The following KIAA1217 variants were observed in gnomAD, a reference collection of about 807,000 sequenced individuals.
KIAA1217 encodes KIAA1217, also known as sickle tail protein homolog.
A neutral mutation model predicts 163.9 loss-of-function variants in KIAA1217; 88 were observed. The ratio of observed to expected loss-of-function variants is 0.54; its 90% CI spans 0.45 to 0.64. KIAA1217 has a LOEUF of 0.64. KIAA1217 is among the 30% of genes least tolerant of loss of function. The probability of loss-of-function intolerance (pLI) is 0.00; values close to 1 mark genes in which losing one functional copy is unlikely to be tolerated. For synonymous variants in KIAA1217, 903 were observed against 923.1 expected (o/e 0.98, Z 0.39); for missense variants, 2,372 against 2,475.0 (o/e 0.96, Z 0.88).
At chr10:23,929,462 C>T (rs1843163764) in intron 1 of KIAA1217, among the ~76,000 whole-genome samples, 1 of 152,156 alleles carries the variant, frequency 6.6e-6, no homozygotes, top group Admixed American at 6.5e-5. Flanking sequence ...TTGCTCACTT[C>T]CCTCCTTCCT....
chr10:24,074,075 G>A (rs1192305116), intron 2 of KIAA1217, among the ~76,000 whole-genome samples: 1 of 152,200 alleles, frequency 6.6e-6, no homozygotes, highest in African/African-American at 2.4e-5. Context: ...CAGGCATGGT[G>A]GCTCATGCCT....
intron 2 of KIAA1217, among the ~76,000 whole-genome samples, chr10:24,301,030 CTT>C (rs1182654984): frequency 6.6e-6 from 1 of 152,178 alleles, no homozygotes; most frequent in Non-Finnish European, 1.5e-5. Flanking sequence ...CCAAGCCTGT[CTT>C]GAACTCCTGA....
At chr10:24,445,230 A>G (rs530858392) in intron 5 of KIAA1217, among the ~76,000 whole-genome samples, 25 of 152,258 alleles carry the variant, frequency 1.6e-4, no homozygotes, top group South Asian at 6.2e-4. Context: ...AATGTTGGAC[A>G]CTGGATTTGA....
At chr10:23,756,316 A>T (rs1833917441) in intron 1 of KIAA1217, among the ~76,000 whole-genome samples, 1 of 152,148 alleles carries the variant, frequency 6.6e-6, no homozygotes. Context: ...GAAAACCTGT[A>T]AATAAATAGG....
At chr10:24,120,770 C>A (rs1360407496) in intron 2 of KIAA1217, among the ~76,000 whole-genome samples, 4 of 152,170 alleles carry the variant, frequency 2.6e-5, no homozygotes, top group Admixed American at 2.0e-4. Context: ...CTCTGCAACC[C>A]TGGGGCAGCT....
intron 16 of KIAA1217, among the ~76,000 whole-genome samples, chr10:24,536,425 T>G (rs2074022891): frequency 6.6e-6 from 1 of 152,218 alleles, no homozygotes; most frequent in African/African-American, 2.4e-5. Flanking sequence ...GATAGTTTTT[T>G]GTTTTAATTT....
At chr10:23,810,652 A>G (rs1216714505) in intron 1 of KIAA1217, among the ~76,000 whole-genome samples, 7 of 129,218 alleles carry the variant, frequency 5.4e-5, no homozygotes, top group African/African-American at 1.8e-4. Context: ...TATAGTGTGT[A>G]TATATATAAT....
intron 6 of KIAA1217, among the ~76,000 whole-genome samples, chr10:24,480,419 C>T (rs1489987181): frequency 6.6e-6 from 1 of 152,200 alleles, no homozygotes; most frequent in Non-Finnish European, 1.5e-5. Flanking sequence ...ACCAGTTGTT[C>T]AGAGGCAGTA....
At position 24,304,487 on chromosome 10, in the gene KIAA1217, G is replaced by T. The variant is rs76861440; in HGVS notation, c.355-76382G>T. On this transcript the variant is annotated intron_variant, in intron 2 of 20. Transcript: ENST00000376454. The stretch of plus-strand genomic sequence containing the variant: ...CCAAAGTAACTAGGACTAACAGCAT[G>T]TACCACCACATCCAACTAGTTTTTT... 1.0e-2 allele frequency among the ~76,000 whole-genome samples: 1,518 copies of T among 152,144 alleles called. 30 individuals carry two copies. The highest frequency in any genetic ancestry group is 0.083 in the East Asian group (429 of 5,166).
intron 2 of KIAA1217, among the ~76,000 whole-genome samples, chr10:24,202,033 G>A (rs1389803136): frequency 4.6e-5 from 7 of 152,182 alleles, no homozygotes; most frequent in African/African-American, 1.7e-4. Context: ...CGGGTGCTGG[G>A]TGACCCCCTC....
At chr10:24,503,798 C>A (rs963409076) in intron 9 of KIAA1217, among the ~76,000 whole-genome samples, 5 of 152,212 alleles carry the variant, frequency 3.3e-5, no homozygotes, top group African/African-American at 1.2e-4. Context: ...GGAGGTCAAG[C>A]CCTTCCCTTC....
At chr10:24,059,204 T>C (rs969708354) in intron 2 of KIAA1217, among the ~76,000 whole-genome samples, 4 of 152,200 alleles carry the variant, frequency 2.6e-5, no homozygotes, top group Non-Finnish European at 5.9e-5. Flanking sequence ...TGCTCCACCA[T>C]CCTTGCACCC....
chr10:24,473,146 G>A (rs914425635), intron 5 of KIAA1217, 82 bp from the exon 6 acceptor site: 1 of 922,988 alleles, frequency 1.1e-6, no homozygotes. Flanking sequence ...TCTTGCAGGG[G>A]AAGTCACACG....
At chr10:23,842,998 A>C (rs976218282) in intron 1 of KIAA1217, among the ~76,000 whole-genome samples, 1 of 152,210 alleles carries the variant, frequency 6.6e-6, no homozygotes, top group Admixed American at 6.5e-5. Flanking sequence ...TTCTAAAAGC[A>C]AACATCACTG....
intron 1 of KIAA1217, among the ~76,000 whole-genome samples, chr10:23,911,961 G>T (rs1332225307): frequency 6.6e-6 from 1 of 152,086 alleles, no homozygotes; most frequent in Non-Finnish European, 1.5e-5. Flanking sequence ...TCCACTACAG[G>T]CCTGTGGCAT....
Position 24,426,391 on chromosome 10 carries a change from G to A in KIAA1217, c.554-6604G>A, listed in dbSNP as rs182199664. Among the ~76,000 whole-genome samples the A allele has an allele frequency of 1.7e-4, 26 of 152,236 alleles. No homozygotes were observed. In the East Asian group the frequency reaches 4.8e-3, roughly 28 times the overall value. On this transcript the variant is annotated intron_variant, in intron 3 of 20. Coordinates refer to ENST00000376454, the MANE Select transcript of KIAA1217 (RefSeq NM_019590.5). ...AATCCTAGCACTGTGGGAGGTCAAG[G>A]TGGGTGAATCACCTGAGGTCAGGAG...
chr10:24,032,627 T>C lies in KIAA1217; in HGVS notation c.-171+25253T>C, dbSNP rs145823460. Among the ~76,000 whole-genome samples the C allele has an allele frequency of 3.9e-5, 6 of 152,318 alleles. No homozygotes were observed. In the East Asian group the frequency reaches 1.2e-3, roughly 29 times the overall value. On this transcript the variant is annotated intron_variant, in intron 2 of 18. Coordinates refer to the KIAA1217 transcript ENST00000376462. ...AAGAGAGACAGGAGCCTCGCTTGCA[T>C]TTCAAAGTAAGTAAGAGGTCATGCC... is the stretch of plus-strand genomic sequence containing the variant.
chr10:23,808,925 G>T (rs1836862008), intron 1 of KIAA1217, among the ~76,000 whole-genome samples: 1 of 152,040 alleles, frequency 6.6e-6, no homozygotes, highest in Non-Finnish European at 1.5e-5. Flanking sequence ...CTTCCAGAGA[G>T]GAAGGCAAAT....
At chr10:24,417,458 C>T (rs980319263) in intron 3 of KIAA1217, among the ~76,000 whole-genome samples, 7 of 152,276 alleles carry the variant, frequency 4.6e-5, no homozygotes, top group African/African-American at 9.6e-5. Context: ...AATAAATGCA[C>T]GCCTAAGTGT....
Sources: gnomAD v4.1 joint callset for allele counts (sites outside exome capture counted in the v4.1 genomes callset) on GRCh38, gnomAD v4.1.1 for gene constraint, MANE v1.5 for transcripts, NCBI Gene and HGNC (gene_info 2026-07-23, HGNC 2026-07-21) for gene names.